The following TTC39B variants were observed in gnomAD, a reference collection of about 807,000 sequenced individuals.
TTC39B encodes the protein tetratricopeptide repeat protein 39B.
TTC39B carries 92 observed loss-of-function variants against 96.6 expected under a neutral mutation model. The ratio of observed to expected loss-of-function variants is 0.95; its 90% CI spans 0.80 to 1.13. TTC39B has a LOEUF of 1.13. Ranked by LOEUF, TTC39B falls within the 50% of genes most tolerant of loss-of-function variation. TTC39B has a pLI of 0.00. For missense variants in TTC39B, 955 were observed against 809.3 expected, an observed-to-expected ratio of 1.18 and a Z score of -2.18; for synonymous variants, 367 against 299.4, an observed-to-expected ratio of 1.23 and a Z score of -2.33.
chr9:15,172,210 A>T, intron 19 of TTC39B, 101 bp from the exon 20 acceptor site: 1 of 735,542 alleles, frequency 1.4e-6, no homozygotes, highest in Non-Finnish European at 2.2e-6. Flanking sequence ...TTACTTTCAA[A>T]CTCTAATATA....
exon 20 of TTC39B, chr9:15,167,006 ATATATATATATATATATATATATTTTTTT>A (rs1817535936): frequency 1.7e-4 from 1 of 5,728 alleles, no homozygotes; most frequent in Non-Finnish European, 3.0e-4. Context: ...ATATATATAT[ATATATATATATATATATATATATTTTTTT>A]TTTTTTTTTT....
intron 1 of TTC39B, among the ~76,000 whole-genome samples, chr9:15,279,607 T>C (rs1338958627): frequency 2.6e-5 from 4 of 152,304 alleles, no homozygotes; most frequent in African/African-American, 9.6e-5. Context: ...CTTAGAACAA[T>C]GCATCCAGTA....
intron 1 of TTC39B, 59 bp downstream of exon 1, chr9:15,307,025 C>T: frequency 1.3e-6 from 2 of 1,581,380 alleles, no homozygotes; most frequent in Admixed American, 1.8e-5. Flanking sequence ...TCACTCTTCT[C>T]TCCCGGACTC....
intron 1 of TTC39B, among the ~76,000 whole-genome samples, chr9:15,287,675 G>A (rs528867359): frequency 9.2e-5 from 14 of 152,016 alleles, no homozygotes; most frequent in African/African-American, 2.7e-4. Flanking sequence ...GTAAAGACAA[G>A]AAAACCTTTA....
At chr9:15,166,328 A>AT (rs1174861113) in exon 20 of TTC39B, 1 of 152,222 alleles carries the variant, frequency 6.6e-6, no homozygotes, top group Non-Finnish European at 1.5e-5. Flanking sequence ...TGCTAAACAC[A>AT]TATCATGGGT....
At chr9:15,292,659 G>A (rs561767211) in intron 1 of TTC39B, among the ~76,000 whole-genome samples, 2 of 152,224 alleles carry the variant, frequency 1.3e-5, no homozygotes, top group South Asian at 4.2e-4. Context: ...TGTGACATTG[G>A]TGATCCTTAC....
chr9:15,174,952 G>A, intron 19 of TTC39B, 67 bp downstream of exon 19: 1 of 957,170 alleles, frequency 1.0e-6, no homozygotes, highest in South Asian at 1.3e-5. Flanking sequence ...TGTTACTGCT[G>A]TTGTTAGAGC....
rs16932953 is a variant in TTC39B at position 15,296,222 on chromosome 9, G to C, written c.240+10862C>G. ...TGGCTCAAGTTGGTTTTCTATCTCAGAACTTAGTCCGAAGGTAAAAGTCTA... is the reference window on the plus strand; with the variant it reads ...TGGCTCAAGTTGGTTTTCTATCTCACAACTTAGTCCGAAGGTAAAAGTCTA... On this transcript the variant is annotated intron_variant, in intron 1 of 19. Coordinates refer to ENST00000512701, the Ensembl canonical transcript of TTC39B. Among the ~76,000 whole-genome samples, 1,311 of 152,298 alleles carry C rather than the reference G, an allele frequency of 8.6e-3. 20 individuals carry two copies. Among genetic ancestry groups the C allele is most frequent in the African/African-American group, 0.03 (1,245 of 41,554 alleles).
intron 1 of TTC39B, among the ~76,000 whole-genome samples, chr9:15,279,183 G>A (rs2131578745): frequency 6.6e-6 from 1 of 152,320 alleles, no homozygotes; most frequent in Middle Eastern, 3.4e-3. Context: ...GAAAGTCTCT[G>A]GTGTAGACCA....
At chr9:15,212,380 C>CAAAAAA (rs200310557) in intron 4 of TTC39B, among the ~76,000 whole-genome samples, 1 of 105,620 alleles carries the variant, frequency 9.5e-6, no homozygotes. Context: ...TTTCAAGAAG[C>CAAAAAA]AAAAAAAAAA....
chr9:15,289,237 G>T (rs1048182356), intron 1 of TTC39B, among the ~76,000 whole-genome samples: 8 of 152,174 alleles, frequency 5.3e-5, no homozygotes, highest in African/African-American at 1.7e-4. Flanking sequence ...AAAATAAAAT[G>T]ACTATCAGTA....
chr9:15,251,521 A>C (rs1467615524), intron 2 of TTC39B, among the ~76,000 whole-genome samples: 1 of 151,860 alleles, frequency 6.6e-6, no homozygotes, highest in East Asian at 1.9e-4. Context: ...GAGTAGCGCC[A>C]TTGCACTCCA....
At chr9:15,165,994 T>C (rs1817511141) in exon 20 of TTC39B, 1 of 152,232 alleles carries the variant, frequency 6.6e-6, no homozygotes, top group Non-Finnish European at 1.5e-5. Flanking sequence ...AATTTATTTC[T>C]TTCCCAAATG....
chr9:15,209,224 G>A (rs1322988485), intron 6 of TTC39B, among the ~76,000 whole-genome samples: 2 of 151,958 alleles, frequency 1.3e-5, no homozygotes, highest in Non-Finnish European at 2.9e-5. Flanking sequence ...TTGTGGACTA[G>A]AGTGTAACAC....
intron 2 of TTC39B, among the ~76,000 whole-genome samples, chr9:15,228,329 TGGTG>T (rs1821239167): frequency 6.6e-6 from 1 of 152,046 alleles, no homozygotes. Flanking sequence ...CCAGGCGTGG[TGGTG>T]GGTGCCTGTA....
chr9:15,196,560 A>C (rs996110418), intron 8 of TTC39B, among the ~76,000 whole-genome samples: 1 of 152,226 alleles, frequency 6.6e-6, no homozygotes, highest in African/African-American at 2.4e-5. Flanking sequence ...TTAGAAGTGG[A>C]GCCTGAAGAT....
Position 15,211,263 on chromosome 9 carries a change from T to G in TTC39B, c.614+3A>C, listed in dbSNP as rs1206239189. 3 of 1,533,276 alleles carry G rather than the reference T, an allele frequency of 2.0e-6. No individual in the cohort carries two copies. The highest frequency in any genetic ancestry group is 1.7e-6 in the Non-Finnish European group (2 of 1,143,374). The allele number at this position is 1,533,276 out of a possible 1,614,324, so 95.0% of individuals were successfully genotyped here. A position where few individuals can be genotyped will look rare whatever the true frequency, so the allele number is the denominator to read the frequency against. ...ATCTTAAGTATTTAATGACTCGTCATACTTTTGGCAGGTTTGTAAAGCGTC... is the reference window on the plus strand; with the variant it reads ...ATCTTAAGTATTTAATGACTCGTCAGACTTTTGGCAGGTTTGTAAAGCGTC... On this transcript the variant is annotated splice_donor_region_variant and intron_variant, in intron 5 of 19. Transcript: ENST00000512701.
At chr9:15,231,358 A>G (rs111457411) in intron 2 of TTC39B, among the ~76,000 whole-genome samples, 13 of 152,122 alleles carry the variant, frequency 8.5e-5, no homozygotes, top group African/African-American at 3.1e-4. Context: ...TAGATTCCCA[A>G]TTTCTTAACA....
At chr9:15,225,187 G>C (rs1226922412) in intron 3 of TTC39B, among the ~76,000 whole-genome samples, 2 of 151,996 alleles carry the variant, frequency 1.3e-5, no homozygotes, top group African/African-American at 4.8e-5. Context: ...TCTAATGGAA[G>C]GGGAAAATAT....
Sources: gnomAD v4.1 joint callset for allele counts (sites outside exome capture counted in the v4.1 genomes callset) on GRCh38, gnomAD v4.1.1 for gene constraint, MANE v1.5 for transcripts, NCBI Gene and HGNC (gene_info 2026-07-23, HGNC 2026-07-21) for gene names.